Variants in MYO16 observed in about 807,000 individuals in gnomAD.
MYO16 encodes myosin XVI.
MYO16 carries 94 observed loss-of-function variants against 205.3 expected under a neutral mutation model. That is an observed-to-expected ratio of 0.46 (90% CI 0.39 to 0.54). The LOEUF (loss-of-function observed/expected upper bound fraction) is 0.54, where lower values mean the gene tolerates loss of function less well. Ranked by LOEUF, MYO16 falls within the 20% of genes least tolerant of loss-of-function variation. MYO16 has a pLI of 0.00. For missense variants in MYO16, 2,315 were observed against 2,387.5 expected (o/e 0.97, Z 0.63); for synonymous variants, 988 against 954.0 (o/e 1.04, Z -0.66).
chr13:109,038,793 T>G, intron 23 of MYO16, among the ~76,000 whole-genome samples: 1 of 152,200 alleles, frequency 6.6e-6, no homozygotes, highest in Middle Eastern at 3.2e-3. Context: ...TTTAGTTATA[T>G]TTATTGAAAT....
the MYO16 span, among the ~76,000 whole-genome samples, chr13:108,523,020 C>A: frequency 2.6e-5 from 4 of 152,122 alleles, no homozygotes; most frequent in Non-Finnish European, 4.4e-5. Flanking sequence ...ATCCTTTCTA[C>A]ATAGAGCAAT....
the MYO16 span, among the ~76,000 whole-genome samples, chr13:108,509,392 T>C: frequency 6.6e-6 from 1 of 152,226 alleles, no homozygotes; most frequent in East Asian, 1.9e-4. Flanking sequence ...AAAGAATTCA[T>C]AATCCTACTA....
intron 3 of MYO16, among the ~76,000 whole-genome samples, chr13:108,717,761 T>A (rs896121820): frequency 6.6e-6 from 1 of 151,440 alleles, no homozygotes; most frequent in Non-Finnish European, 1.5e-5. Flanking sequence ...AAAGAGAGAA[T>A]CCTTTTAACA....
chr13:108,920,099 T>A (rs559701758), intron 16 of MYO16, among the ~76,000 whole-genome samples: 1 of 152,260 alleles, frequency 6.6e-6, no homozygotes, highest in South Asian at 2.1e-4. Flanking sequence ...TAATCCAGCT[T>A]GTTGAGGACT....
chr13:109,092,676 T>G (rs900304826), intron 27 of MYO16, among the ~76,000 whole-genome samples: 4 of 152,138 alleles, frequency 2.6e-5, no homozygotes. Context: ...CCCTGACACA[T>G]GTTTACCTAT....
intron 34 of MYO16, among the ~76,000 whole-genome samples, chr13:109,194,621 G>A (rs1880067947): frequency 6.6e-6 from 1 of 152,178 alleles, no homozygotes; most frequent in African/African-American, 2.4e-5. Context: ...AAGAAAAGTA[G>A]AATTCCAGGG....
chr13:108,763,435 C>T (rs997094485), intron 4 of MYO16, among the ~76,000 whole-genome samples: 5 of 152,136 alleles, frequency 3.3e-5, no homozygotes, highest in Non-Finnish European at 4.4e-5. Context: ...CTGCAGGTTC[C>T]GTCCTTGCAA....
chr13:109,053,806 C>T (rs1040203774), intron 25 of MYO16, among the ~76,000 whole-genome samples: 84 of 152,042 alleles, frequency 5.5e-4, no homozygotes, highest in African/African-American at 2.0e-3. Flanking sequence ...TAGGATTTTC[C>T]CTACTCTTTA....
In MYO16 at chr13:108,730,191, T is replaced by C. The variant is rs182891365; in HGVS notation, c.507+2608T>C. Among the ~76,000 whole-genome samples the C allele has an allele frequency of 2.8e-3, 432 of 152,280 alleles. 5 individuals carry two copies. Among genetic ancestry groups the C allele is most frequent in the Non-Finnish European group, 3.6e-3 (248 of 68,028 alleles). On this transcript the variant is annotated intron_variant, in intron 4 of 34. Coordinates refer to ENST00000457511, the MANE Select transcript of MYO16 (RefSeq NM_001198950.3). ...TGAATCATAGGCGTGGTTTCCCCCA[T>C]GCTATTCTCATGACGGTAAGTTCTC... is the stretch of plus-strand genomic sequence containing the variant.
intron 27 of MYO16, among the ~76,000 whole-genome samples, chr13:109,093,604 A>G (rs924507021): frequency 1.3e-5 from 2 of 152,096 alleles, no homozygotes; most frequent in Non-Finnish European, 2.9e-5. Flanking sequence ...ACTGTGGGAA[A>G]CGTCAGCCAC....
intron 10 of MYO16, among the ~76,000 whole-genome samples, chr13:108,852,141 A>T (rs1877907016): frequency 6.6e-6 from 1 of 151,992 alleles, no homozygotes; most frequent in Admixed American, 6.6e-5. Flanking sequence ...CTAAAGTGAA[A>T]TTTTTCTCTT....
Position 108,968,523 on chromosome 13 carries a change from G to T in MYO16, c.2369+3621G>T, listed in dbSNP as rs368846134. Among the ~76,000 whole-genome samples, 4 of 152,164 alleles carry T rather than the reference G, an allele frequency of 2.6e-5. No homozygotes were observed. The East Asian group carries it at 7.7e-4, about 29-fold the overall frequency. On this transcript the variant is annotated intron_variant, in intron 20 of 34. Coordinates refer to ENST00000457511, the MANE Select transcript of MYO16 (RefSeq NM_001198950.3). ...TCCCTGTAGACCCAGCTACTCGGGA[G>T]GCTGAGGCAGGAGAATCACTTGAAC... is the stretch of plus-strand genomic sequence containing the variant.
intron 4 of MYO16, among the ~76,000 whole-genome samples, chr13:108,759,635 C>T (rs990020233): frequency 3.3e-5 from 5 of 152,006 alleles, no homozygotes; most frequent in Non-Finnish European, 7.4e-5. Flanking sequence ...TCCTGGCTAA[C>T]ACGGTGAAAC....
chr13:108,947,808 G>A (rs1055708574), intron 16 of MYO16, among the ~76,000 whole-genome samples: 1 of 152,222 alleles, frequency 6.6e-6, no homozygotes, highest in African/African-American at 2.4e-5. Context: ...TATTTCAACT[G>A]ATTAGAAAAA....
chr13:109,048,058 T>A (rs117232635), intron 24 of MYO16, among the ~76,000 whole-genome samples: 5,264 of 152,204 alleles, frequency 0.035, 133 homozygotes, highest in South Asian at 0.056. Context: ...CTTTTATTTA[T>A]AATGCACTTC....
At chr13:108,662,624 C>A (rs1881554451) in intron 1 of MYO16, among the ~76,000 whole-genome samples, 1 of 152,148 alleles carries the variant, frequency 6.6e-6, no homozygotes, top group African/African-American at 2.4e-5. Context: ...CACCGTGCCC[C>A]ACAAACCAAC....
At chr13:109,163,400 A>T (rs1878482902) in intron 32 of MYO16, among the ~76,000 whole-genome samples, 1 of 152,176 alleles carries the variant, frequency 6.6e-6, no homozygotes, top group Admixed American at 6.5e-5. Context: ...AGGAGTTAAG[A>T]GGGACCAAGT....
At chr13:108,859,810 A>T (rs771085021) in intron 11 of MYO16, among the ~76,000 whole-genome samples, 8 of 147,624 alleles carry the variant, frequency 5.4e-5, no homozygotes, top group African/African-American at 1.3e-4. Flanking sequence ...TGAGACTCAT[A>T]AAAAAAACCC....
intron 1 of MYO16, among the ~76,000 whole-genome samples, chr13:108,617,300 T>C (rs534595805): frequency 2.0e-5 from 3 of 152,306 alleles, no homozygotes; most frequent in Admixed American, 6.5e-5. Context: ...TCTCTGGGGA[T>C]GCTGCTGCTG....
Sources: gnomAD v4.1 joint callset for allele counts (sites outside exome capture counted in the v4.1 genomes callset) on GRCh38, gnomAD v4.1.1 for gene constraint, MANE v1.5 for transcripts, NCBI Gene and HGNC (gene_info 2026-07-23, HGNC 2026-07-21) for gene names.